ERCC6L2: variants seen among roughly 807,000 people sequenced by gnomAD.
ERCC6L2 encodes the protein ERCC excision repair 6 like 2, also known as DNA excision repair protein ERCC-6-like 2.
In ERCC6L2, 77 loss-of-function variants were observed where a neutral mutation model predicts 132.0. That is an observed-to-expected ratio of 0.58 (90% CI 0.49 to 0.71). The LOEUF (loss-of-function observed/expected upper bound fraction) is 0.71, where lower values mean the gene tolerates loss of function less well. ERCC6L2 is among the 30% of genes least tolerant of loss of function. ERCC6L2 has a pLI of 0.00. For missense variants in ERCC6L2, 1,542 were observed against 1,837.6 expected (o/e 0.84, Z 2.94); for synonymous variants, 583 against 632.4 (o/e 0.92, Z 1.17).
chr9:95,969,173 G>C (rs1832298210), intron 14 of ERCC6L2, among the ~76,000 whole-genome samples: 1 of 152,178 alleles, frequency 6.6e-6, no homozygotes, highest in Non-Finnish European at 1.5e-5. Context: ...AGCAAGAGAT[G>C]GAGCCGGAGA....
chr9:95,923,180 T>A, intron 8 of ERCC6L2, 80 bp from the exon 9 acceptor site: 1 of 1,490,144 alleles, frequency 6.7e-7, no homozygotes, highest in Non-Finnish European at 9.0e-7. Flanking sequence ...AAAAAGAATT[T>A]TTTTCATAAA....
chr9:95,984,281 TATAC>T (rs1165322072), intron 17 of ERCC6L2, among the ~76,000 whole-genome samples: 8 of 149,324 alleles, frequency 5.4e-5, no homozygotes, highest in Non-Finnish European at 1.2e-4. Flanking sequence ...ATGTATATGA[TATAC>T]ATGTTATATG....
In ERCC6L2 at chr9:95,899,600, A is replaced by ATGTGTG. The variant is rs56991965; in HGVS notation, c.594+1656_594+1661dup. Among the ~76,000 whole-genome samples the ATGTGTG allele has an allele frequency of 9.3e-3, 1,253 of 134,856 alleles. 13 individuals are homozygous for ATGTGTG. Among genetic ancestry groups the ATGTGTG allele is most frequent in the East Asian group, 0.027 (120 of 4,464 alleles). 88.5% of individuals were successfully genotyped at this position (134,856 alleles called of 152,430 possible). ...TTTCTTTTTTTCTCTTTATATATAT[A>ATGTGTG]TGTGTGTGTGTGTGTGTGTGTGTGT... On this transcript the variant is annotated intron_variant, in intron 3 of 18. Transcript: ENST00000653738.
chr9:95,915,560 A>G (rs1049328983), intron 4 of ERCC6L2, 108 bp from the exon 5 acceptor site: 5 of 1,194,410 alleles, frequency 4.2e-6, no homozygotes, highest in Non-Finnish European at 4.7e-6. Context: ...AAGAGTAAAA[A>G]GGAAAAAATA....
At chr9:95,918,536 G>T in intron 6 of ERCC6L2, 2 of 469,432 alleles carry the variant, frequency 4.3e-6, no homozygotes, top group South Asian at 1.6e-5. Flanking sequence ...ACAAAATGAT[G>T]AATGGAAGTC....
At position 96,006,205 on chromosome 9, in the gene ERCC6L2, AC is replaced by A. The variant is rs143282128; in HGVS notation, c.3674+1505del. Among the ~76,000 whole-genome samples the A allele has an allele frequency of 7.5e-3, 1,142 of 152,352 alleles. 18 individuals carry two copies. The highest frequency in any genetic ancestry group is 0.026 in the African/African-American group (1,093 of 41,572). On this transcript the variant is annotated intron_variant, in intron 18 of 18. Coordinates refer to ENST00000653738, the MANE Select transcript of ERCC6L2 (RefSeq NM_020207.7). ...TATGTGAGCAGCCTAGAAATAGAGC[AC>A]AGAGAGGAGGAAAGAAGTCCCAGGA...
At chr9:95,957,790 G>A (rs1042501684) in intron 13 of ERCC6L2, among the ~76,000 whole-genome samples, 51 of 151,734 alleles carry the variant, frequency 3.4e-4, no homozygotes, top group African/African-American at 9.9e-4. Flanking sequence ...AGATAGTTTG[G>A]AATTTTAACC....
At chr9:95,963,161 G>A (rs972149494) in intron 13 of ERCC6L2, among the ~76,000 whole-genome samples, 1 of 151,906 alleles carries the variant, frequency 6.6e-6, no homozygotes, top group Admixed American at 6.6e-5. Flanking sequence ...GTGTGTGTGT[G>A]TGTGTGTGTG....
chr9:95,898,820 A>G (rs1828603972), intron 3 of ERCC6L2, among the ~76,000 whole-genome samples: 1 of 152,208 alleles, frequency 6.6e-6, no homozygotes, highest in African/African-American at 2.4e-5. Context: ...TGTCTATCAT[A>G]AAGACCATTT....
intron 12 of ERCC6L2, among the ~76,000 whole-genome samples, chr9:95,950,874 A>G (rs1353186758): frequency 6.6e-6 from 1 of 152,216 alleles, no homozygotes; most frequent in Non-Finnish European, 1.5e-5. Context: ...CTCTGCAATA[A>G]TAATGGGAGA....
rs527353254 is a variant in ERCC6L2 at position 95,969,230 on chromosome 9, T to C, written c.2101-1346T>C. Among the ~76,000 whole-genome samples the C allele has an allele frequency of 5.3e-5, 8 of 152,236 alleles. No individual in the cohort carries two copies. The East Asian group carries it at 1.4e-3, about 26-fold the overall frequency. On this transcript the variant is annotated intron_variant, in intron 14 of 18. Transcript: ENST00000653738. ...GCAGGAACTTTGACTTTTACTTGAA[T>C]GAGACAAAAAGCAATTAGAGGGTTC...
chr9:95,969,731 C>G (rs970909320), intron 14 of ERCC6L2, among the ~76,000 whole-genome samples: 1 of 152,146 alleles, frequency 6.6e-6, no homozygotes, highest in Non-Finnish European at 1.5e-5. Context: ...AAAGGACTTG[C>G]AGCAGTTCAG....
At chr9:96,037,692 C>T (rs927395149) in intron 19 of ERCC6L2, among the ~76,000 whole-genome samples, 37 of 151,936 alleles carry the variant, frequency 2.4e-4, no homozygotes, top group Non-Finnish European at 4.3e-4. Flanking sequence ...ACGAGGACTG[C>T]GCCAGGACAG....
At chr9:95,928,400 A>G (rs149398478) in intron 10 of ERCC6L2, 85 of 413,786 alleles carry the variant, frequency 2.1e-4, no homozygotes, top group African/African-American at 1.7e-3. Context: ...AATGTTCTTT[A>G]AGACATTTCA....
chr9:95,972,666 A>G lies in ERCC6L2; in HGVS notation c.2915A>G (p.Lys972Arg), dbSNP rs1290488803. ...AACACAACCCTGAAATCTATTTTGAAAAGAAAAGGCACCAGTGATATCAGT... is the reference window on the plus strand; with the variant it reads ...AACACAACCCTGAAATCTATTTTGAGAAGAAAAGGCACCAGTGATATCAGT... Reference protein sequence around the residue: ...PENTTLKSILKRKGTSDISDE... With the variant: ...PENTTLKSILRRKGTSDISDE... Residue 972 changes from lysine (K) to arginine (R), a missense_variant, in exon 16 of 19, where the codon AAA becomes AGA. Coordinates refer to ENST00000653738, the MANE Select transcript of ERCC6L2 (RefSeq NM_020207.7). 1.5e-6 allele frequency: 2 copies of G among 1,298,084 alleles called. No individual in the cohort carries two copies. The highest frequency in any genetic ancestry group is 2.0e-6 in the Non-Finnish European group (2 of 988,896). 80.4% of individuals were successfully genotyped at this position (1,298,084 alleles called of 1,614,324 possible). A position where few individuals can be genotyped will look rare whatever the true frequency, so the allele number is the denominator to read the frequency against.
At chr9:95,928,012 T>A in intron 9 of ERCC6L2, 67 bp from the exon 10 acceptor site, 2 of 978,276 alleles carry the variant, frequency 2.0e-6, no homozygotes, top group Non-Finnish European at 3.2e-6. Context: ...TCTCAAGTGA[T>A]GTTTATATGT....
chr9:95,925,019 C>T (rs570732283), intron 9 of ERCC6L2, among the ~76,000 whole-genome samples: 9 of 152,208 alleles, frequency 5.9e-5, no homozygotes, highest in African/African-American at 2.2e-4. Context: ...AGAATCATTG[C>T]CTATGGGTTT....
chr9:95,945,729 G>T (rs1831028852), intron 12 of ERCC6L2, among the ~76,000 whole-genome samples: 1 of 152,168 alleles, frequency 6.6e-6, no homozygotes, highest in Non-Finnish European at 1.5e-5. Flanking sequence ...CCCGCAACAG[G>T]TGTAAAACTT....
rs773274662 is a variant in ERCC6L2, at chr9:95,923,254, T to A, written c.1414-6T>A. Reference sequence around the variant, plus strand: ...AATATCTTTTCTTCTGCCTTTTCCCTTCAAGGAAACACTTATCAAAAGGAT... The same window carrying A: ...AATATCTTTTCTTCTGCCTTTTCCCATCAAGGAAACACTTATCAAAAGGAT... On this transcript the variant is annotated splice_region_variant and splice_polypyrimidine_tract_variant and intron_variant, in intron 8 of 18. Coordinates refer to ENST00000653738, the MANE Select transcript of ERCC6L2 (RefSeq NM_020207.7). 1.9e-6 allele frequency: 3 copies of A among 1,612,364 alleles called. No individual in the cohort carries two copies. The South Asian group carries it at 3.3e-5, about 18-fold the overall frequency.
Sources: allele counts gnomAD v4.1 joint callset (sites outside exome capture counted in the v4.1 genomes callset), GRCh38; gene constraint gnomAD v4.1.1; transcripts MANE v1.5; gene names NCBI Gene and HGNC (gene_info 2026-07-23, HGNC 2026-07-21).